CROCC: variants seen among roughly 807,000 people sequenced by gnomAD.
CROCC encodes ciliary rootlet coiled-coil, rootletin, also known as rootletin.
CROCC carries 180 observed loss-of-function variants against 245.2 expected under a neutral mutation model. The observed-to-expected ratio is 0.73, with a 90% CI of 0.65 to 0.83. The LOEUF (loss-of-function observed/expected upper bound fraction) is 0.83. Among genes scored for constraint, CROCC ranks in the 40% least tolerant of loss-of-function variants. The pLI is 0.00. For missense variants in CROCC, 2,688 were observed against 2,779.4 expected (o/e 0.97, Z 0.74); for synonymous variants, 1,205 against 1,241.6 (o/e 0.97, Z 0.62).
At chr1:16,970,485 C>T (rs1190640886) in intron 34 of CROCC, 32 bp downstream of exon 34, 1 of 1,528,966 alleles carries the variant, frequency 6.5e-7, no homozygotes, top group African/African-American at 1.4e-5. Context: ...CCCCTCACTT[C>T]CTCTGGGGCC....
In CROCC at chr1:16,970,723, G is replaced by A. The variant is rs1182611661; in HGVS notation, c.5740G>A (p.Glu1914Lys). 6.2e-7 allele frequency: 1 copy of A among 1,605,070 alleles called. No individual in the cohort carries two copies. Among genetic ancestry groups the A allele is most frequent in the Non-Finnish European group, 8.5e-7 (1 of 1,176,452 alleles). The change falls in exon 35 of 37, where the codon GAG becomes AAG. Residue 1914 changes from glutamate to lysine, a missense_variant. Physicochemically the swap from Glu to Lys is moderately conservative, Grantham distance 56. This residue lies in a region of CROCC where 1,218 missense variants were observed against 1,286.3 expected (regional missense o/e 0.95). Transcript: ENST00000375541. ...CCTGGACCGCACCCTCACGGGGGCT[G>A]AGCTGGAGCTGGCAGAGGCGCAGAG... ...GRLDRTLTGA[E>K]LELAEAQRQI...
rs751519166 is a variant in CROCC, at chr1:16,969,978, C to A, written c.5451+44C>A. 4.6e-6 allele frequency: 7 copies of A among 1,532,152 alleles called. No homozygotes were observed. In the African/African-American group the frequency reaches 6.9e-5, roughly 15 times the overall value. The allele number at this position is 1,532,152 out of a possible 1,614,324, so 94.9% of individuals were successfully genotyped here. On this transcript the variant is annotated intron_variant, in intron 33 of 36. Coordinates refer to ENST00000375541, the MANE Select transcript of CROCC (RefSeq NM_014675.5). ...CCCCTCTGTCCCCAAGACTGTGAGG[C>A]CCTAGGATAGGGTGGGGACGTTCCC...
At chr1:16,921,034 G>A (rs375842757), upstream of CROCC, among the ~76,000 whole-genome samples, 217 of 152,356 alleles carry the variant, frequency 1.4e-3, no homozygotes, top group East Asian at 9.9e-3. Flanking sequence ...ATGAGTGCCT[G>A]CGCCTGGCTG....
In CROCC at chr1:16,970,430, G is replaced by C. The variant is rs1251554286; in HGVS notation, c.5629G>C (p.Ala1877Pro). 6.3e-7 allele frequency: 1 copy of C among 1,596,530 alleles called. No individual in the cohort carries two copies. Among genetic ancestry groups the C allele is most frequent in the African/African-American group, 1.3e-5 (1 of 74,604 alleles). ...SALRLEKDRVALRRTLDKVER... is the reference protein window; with the variant it reads ...SALRLEKDRVPLRRTLDKVER... ...CCTGCGGCTGGAGAAGGACCGTGTA[G>C]CCCTCAGGAGGACGCTGGACAAGGT... is the stretch of plus-strand genomic sequence containing the variant. Residue 1877 changes from alanine to proline, a missense_variant, in exon 34 of 37, where the codon GCC becomes CCC. Physicochemically the swap from Ala to Pro is conservative, Grantham distance 27. This residue lies in a region of CROCC where 1,218 missense variants were observed against 1,286.3 expected (regional missense o/e 0.95). Transcript: ENST00000375541.
rs1380620338 is a variant in CROCC, at chr1:16,936,515, C to T, written c.957-122C>T. On this transcript the variant is annotated intron_variant, in intron 8 of 36. Coordinates refer to ENST00000375541, the MANE Select transcript of CROCC (RefSeq NM_014675.5). The stretch of plus-strand genomic sequence containing the variant: ...AACTCCTGACCTCACGTGATCTGCC[C>T]GCCTTGGCCTCCTGAAGTGCTGGGA... 1.0e-4 allele frequency: 103 copies of T among 1,016,974 alleles called. No homozygotes were observed. In the African/African-American group the frequency reaches 1.2e-3, roughly 12 times the overall value. The allele number at this position is 1,016,974 out of a possible 1,614,324, so 63.0% of individuals were successfully genotyped here. A position where few individuals can be genotyped will look rare whatever the true frequency, so the allele number is the denominator to read the frequency against.
In CROCC at chr1:16,965,905, G is replaced by A. The variant is rs749830246; in HGVS notation, c.4575+13G>A. ...CCAGAGAGAACGGGTAAGCCTGGGT[G>A]TGCATGGCTGGATGGGGAACCTGGA... On this transcript the variant is annotated intron_variant, in intron 28 of 36. Coordinates refer to ENST00000375541, the MANE Select transcript of CROCC (RefSeq NM_014675.5). 5 of 1,608,850 alleles carry A rather than the reference G, an allele frequency of 3.1e-6. No individual in the cohort carries two copies. Among genetic ancestry groups the A allele is most frequent in the African/African-American group, 1.3e-5 (1 of 74,838 alleles).
chr1:16,962,694 ATGTGTG>A (rs1230882490), intron 27 of CROCC, among the ~76,000 whole-genome samples: 1 of 149,052 alleles, frequency 6.7e-6, no homozygotes, highest in African/African-American at 2.5e-5. Context: ...ATTTTTGTGT[ATGTGTG>A]TGTGTGTATA....
rs2075640689 is a variant in CROCC at position 16,930,304 on chromosome 1, G to C, written c.640G>C (p.Asp214His). Residue 214 changes from aspartate (D) to histidine (H), a missense_variant, in exon 6 of 37, where the codon GAC (aspartate) becomes CAC (histidine). This residue lies in a region of CROCC where 972 missense variants were observed against 895.3 expected (regional missense o/e 1.09). Transcript: ENST00000375541. Reference sequence around the variant, plus strand: ...CACCCAGGACACAGAGCACAGCCAAGACCTGGAAAGCGCCCTCATCCGGCT... The same window carrying C: ...CACCCAGGACACAGAGCACAGCCAACACCTGGAAAGCGCCCTCATCCGGCT... Reference protein sequence around the residue: ...QRLRDTEHSQDLESALIRLEE... With the variant: ...QRLRDTEHSQHLESALIRLEE... The C allele has an allele frequency of 6.2e-7, 1 of 1,606,948 alleles. No homozygotes were observed. The highest frequency in any genetic ancestry group is 1.7e-5 in the Admixed American group (1 of 58,882).
intron 33 of CROCC, 66 bp from the exon 34 acceptor site, chr1:16,970,187 C>A: frequency 6.9e-7 from 1 of 1,440,024 alleles, no homozygotes; most frequent in Non-Finnish European, 9.2e-7. Flanking sequence ...GCCTCATTGT[C>A]CCCAAGCTTC....
chr1:16,915,431 T>C (rs1232556443), intron 1 of CROCC, among the ~76,000 whole-genome samples: 1 of 152,276 alleles, frequency 6.6e-6, no homozygotes, highest in African/African-American at 2.4e-5. Context: ...GGAGGACCGC[T>C]TGAGCCCAGG....
intron 30 of CROCC, among the ~76,000 whole-genome samples, chr1:16,967,700 C>T (rs1464605715): frequency 6.6e-6 from 1 of 152,154 alleles, no homozygotes; most frequent in Non-Finnish European, 1.5e-5. Flanking sequence ...CCCCACTCCC[C>T]AGGCCTTTTT....
chr1:16,967,066 AAAAG>A (rs573096490), intron 30 of CROCC, among the ~76,000 whole-genome samples: 282 of 152,220 alleles, frequency 1.9e-3, no homozygotes, highest in Middle Eastern at 0.01. Context: ...AAAGAAAAAA[AAAAG>A]AAGAAGAAGA....
At position 16,969,234 on chromosome 1, in the gene CROCC, C is replaced by T. The variant is rs1377469546; in HGVS notation, c.5195C>T (p.Thr1732Ile). The T allele has an allele frequency of 2.5e-6, 4 of 1,613,348 alleles. No homozygotes were observed. In the African/African-American group the frequency reaches 5.3e-5, roughly 22 times the overall value. The stretch of plus-strand genomic sequence containing the variant: ...CTGCGGGACAAGGTGCGGGGCCTGA[C>T]AGAGGCCCTGGCCCAGAGCAGTGCC... The part of the protein sequence containing the change: ...GALRDKVRGL[T>I]EALAQSSASL... The change falls in exon 32 of 37, where the codon ACA (threonine) becomes ATA (isoleucine). Residue 1732 changes from threonine to isoleucine, a missense_variant. Physicochemically the swap from Thr to Ile is moderately conservative, Grantham distance 89. Around this residue, in one of 9 missense-constraint regions of CROCC, gnomAD observed 1,218 missense variants for 1,286.3 expected, o/e 0.95. Transcript: ENST00000375541.
intron 13 of CROCC, among the ~76,000 whole-genome samples, chr1:16,942,478 C>T (rs1192128133): frequency 1.3e-5 from 2 of 152,298 alleles, no homozygotes; most frequent in South Asian, 4.1e-4. Context: ...ATTTAGGGCA[C>T]TGGTTTTCCT....
At chr1:16,968,021 G>T (rs1031316781) in intron 30 of CROCC, among the ~76,000 whole-genome samples, 182 bp from the exon 31 acceptor site, 1 of 152,158 alleles carries the variant, frequency 6.6e-6, no homozygotes, top group African/African-American at 2.4e-5. Flanking sequence ...GGATCTTCAC[G>T]TCCACTCATC....
In CROCC at chr1:16,939,896, C is replaced by T; in HGVS notation, c.1611C>T (p.Asp537=). ...CTCTGTGACCCCCCACACCCCAGGACATGCGTGGGCGCTATGAGGCAAGCC... is the reference window on the plus strand; with the variant it reads ...CTCTGTGACCCCCCACACCCCAGGATATGCGTGGGCGCTATGAGGCAAGCC... ...ALHKRQLQVQ[D]MRGRYEASQD... The change falls in exon 13 of 37, where the codon GAC becomes GAT. Residue 537 remains aspartate, a splice_region_variant and synonymous_variant. Transcript: ENST00000375541. 6.2e-7 allele frequency: 1 copy of T among 1,612,116 alleles called. No individual in the cohort carries two copies.
chr1:16,936,561 G>C (rs1284299593), intron 8 of CROCC, 76 bp from the exon 9 acceptor site: 2 of 1,404,478 alleles, frequency 1.4e-6, no homozygotes, highest in Non-Finnish European at 1.9e-6. Flanking sequence ...GAGCCACCAC[G>C]CCCTGCCCAA....
chr1:16,953,280 G>T, intron 20 of CROCC, 22 bp from the exon 21 acceptor site: 1 of 1,557,888 alleles, frequency 6.4e-7, no homozygotes, highest in Non-Finnish European at 8.7e-7. Flanking sequence ...TGTGTCACAG[G>T]CATCCGGTCC....
chr1:16,920,065 T>C (rs2075370777), upstream of CROCC, among the ~76,000 whole-genome samples: 1 of 145,834 alleles, frequency 6.9e-6, no homozygotes. Flanking sequence ...GCTAATTTTT[T>C]TTATATTTAT....
Sources: allele counts gnomAD v4.1 joint callset (sites outside exome capture counted in the v4.1 genomes callset), GRCh38; gene constraint gnomAD v4.1.1; regional missense constraint gnomAD v4.1.1; transcripts MANE v1.5; gene names NCBI Gene and HGNC (gene_info 2026-07-23, HGNC 2026-07-21).